The following GNG8 variants were observed in gnomAD, a reference collection of about 807,000 sequenced individuals.
GNG8 encodes guanine nucleotide-binding protein G(I)/G(S)/G(O) subunit gamma-8.
GNG8 carries 3 observed loss-of-function variants against 4.6 expected under a neutral mutation model. That is an observed-to-expected ratio of 0.65 (90% CI 0.29 to 1.67). GNG8 has a LOEUF of 1.67. GNG8 is among the 40% of genes most tolerant of loss of function. GNG8 has a pLI of 0.10. For synonymous variants in GNG8, 32 were observed against 40.5 expected (o/e 0.79, Z 0.80); for missense variants, 88 against 95.2 (o/e 0.92, Z 0.32).
chr19:46,634,565 A>C, intron 2 of GNG8, 34 bp downstream of exon 2: 1 of 1,579,630 alleles, frequency 6.3e-7, no homozygotes, highest in South Asian at 1.1e-5. Context: ...GCAGGCCCAG[A>C]ACCCCCGCCC....
chr19:46,634,546 G>A, intron 2 of GNG8, 53 bp downstream of exon 2: 3 of 1,498,348 alleles, frequency 2.0e-6, no homozygotes, highest in South Asian at 2.3e-5. Context: ...ACACAGCCCC[G>A]GACAGACCGC....
intron 1 of GNG8, among the ~76,000 whole-genome samples, chr19:46,635,399 G>GA: frequency 6.8e-6 from 1 of 147,704 alleles, no homozygotes; most frequent in Non-Finnish European, 1.5e-5. Context: ...GGGAGAGACT[G>GA]GGGGAGGAAT....
chr19:46,636,250 C>T (rs1381643345), upstream of GNG8, among the ~76,000 whole-genome samples: 3 of 146,608 alleles, frequency 2.0e-5, no homozygotes, highest in East Asian at 6.7e-4. Context: ...GCAGCCCCTA[C>T]GGACCCGCCT....
In GNG8 at chr19:46,634,626, C is replaced by T; in HGVS notation, c.57G>A (p.Lys19=). The T allele has an allele frequency of 6.2e-7, 1 of 1,613,102 alleles. No individual in the cohort carries two copies. Among genetic ancestry groups the T allele is most frequent in the Non-Finnish European group, 8.5e-7 (1 of 1,179,932 alleles). ...TCATGCGGTCGATGTTCACCTCCAG[C>T]TTCAGCTGTTCCACCGTCTTGCGGG... ...AEARKTVEQL[K]LEVNIDRMKV... Residue 19 remains lysine (K), a synonymous_variant, in exon 2 of 3, where the codon AAG becomes AAA. Coordinates refer to ENST00000693335, the MANE Select transcript of GNG8 (RefSeq NM_033258.2).
chr19:46,634,591 C>T lies in GNG8; in HGVS notation c.84+8G>A. ...ACCCCCGCCCTATTCCCCACCCCGA[C>T]CCAGCACCTTCATGCGGTCGATGTT... On this transcript the variant is annotated splice_region_variant and intron_variant, in intron 2 of 2. Coordinates refer to ENST00000693335, the MANE Select transcript of GNG8 (RefSeq NM_033258.2). 3.1e-6 allele frequency: 5 copies of T among 1,611,646 alleles called. No individual in the cohort carries two copies. The highest frequency in any genetic ancestry group is 4.2e-6 in the Non-Finnish European group (5 of 1,178,806).
At chr19:46,636,604 G>A (rs1465039310), upstream of GNG8, among the ~76,000 whole-genome samples, 11 of 151,956 alleles carry the variant, frequency 7.2e-5, no homozygotes, top group Non-Finnish European at 1.5e-4. Flanking sequence ...CCTGTCACAC[G>A]GTAGCACCAC....
At chr19:46,637,004 C>G (rs959558972), upstream of GNG8, 10 of 152,150 alleles carry the variant, frequency 6.6e-5, no homozygotes, top group Non-Finnish European at 1.2e-4. Context: ...GTTGGCCAGG[C>G]TGGTCTTGAA....
In GNG8 at chr19:46,634,126, C is replaced by T. The variant is rs569303369; in HGVS notation, c.163G>A (p.Ala55Thr). 16 of 1,613,778 alleles carry T rather than the reference C, an allele frequency of 9.9e-6. No homozygotes were observed. The highest frequency in any genetic ancestry group is 1.1e-5 in the Non-Finnish European group (13 of 1,179,960). The change falls in exon 3 of 3, where the codon GCC (alanine) becomes ACC (threonine). Residue 55 changes from alanine to threonine, a missense_variant. Transcript: ENST00000693335. ...KDDPLVTPVP[A>T]AENPFRDKRL... is the part of the protein sequence containing the mutation. ...TTGTCGCGGAAGGGGTTCTCCGCGG[C>T]GGGTACTGGCGTCACCAGCGGGTCA...
chr19:46,635,372 G>GCAC, intron 1 of GNG8, among the ~76,000 whole-genome samples: 1 of 149,530 alleles, frequency 6.7e-6, no homozygotes, highest in Non-Finnish European at 1.5e-5. Flanking sequence ...ATGAAGAGAC[G>GCAC]GGGAGGAATA....
intron 2 of GNG8, 85 bp from the exon 3 acceptor site, chr19:46,634,289 T>A: frequency 7.0e-7 from 1 of 1,436,270 alleles, no homozygotes; most frequent in Non-Finnish European, 9.3e-7. Context: ...CCCTGTCCCC[T>A]CCTCCCACCT....
upstream of GNG8, chr19:46,636,723 T>C (rs2052871574): frequency 6.6e-6 from 1 of 151,526 alleles, no homozygotes. Flanking sequence ...AGATAAATTA[T>C]CTCAGAGCAC....
At chr19:46,636,277 TC>T (rs1178539445), upstream of GNG8, among the ~76,000 whole-genome samples, 2 of 147,470 alleles carry the variant, frequency 1.4e-5, no homozygotes, top group African/African-American at 5.0e-5. Context: ...GGAGCCACCG[TC>T]CCCGCCGCCC....
chr19:46,637,310 C>T (rs2052875115), upstream of GNG8: 1 of 152,360 alleles, frequency 6.6e-6, no homozygotes, highest in African/African-American at 2.4e-5. Flanking sequence ...CACATTCCCT[C>T]CATACACAGT....
chr19:46,634,333 T>C, intron 2 of GNG8, 129 bp from the exon 3 acceptor site: 1 of 1,121,370 alleles, frequency 8.9e-7, no homozygotes. Flanking sequence ...CCCCTTGTCT[T>C]ACTCCGCCCC....
rs757680437 is a variant in GNG8, at chr19:46,634,721, G to C, written c.-39C>G. The C allele has an allele frequency of 1.3e-6, 2 of 1,531,182 alleles. No individual in the cohort carries two copies. Among genetic ancestry groups the C allele is most frequent in the East Asian group, 4.5e-5 (2 of 44,366 alleles). The allele number at this position is 1,531,182 out of a possible 1,614,324, so 94.8% of individuals were successfully genotyped here. On this transcript the variant is annotated 5_prime_UTR_variant, in exon 2 of 3. Transcript: ENST00000693335. Reference sequence around the variant, plus strand: ...AAGGGGTTAAAAGACGCGCGGGAGTGGGGGCTGTGGGGGTAGGTTAGGATA... The same window carrying C: ...AAGGGGTTAAAAGACGCGCGGGAGTCGGGGCTGTGGGGGTAGGTTAGGATA...
In GNG8 at chr19:46,633,994, C is replaced by T. The variant is rs367749740; in HGVS notation, c.*82G>A. On this transcript the variant is annotated 3_prime_UTR_variant, in exon 3 of 3. Transcript: ENST00000693335. ...CCAAGCTCTGTGCGTGCCTCAGTCT[C>T]CCTGAAAGCACAGGCACCACCACAG... 2 of 1,498,040 alleles carry T rather than the reference C, an allele frequency of 1.3e-6. No individual in the cohort carries two copies. Among genetic ancestry groups the T allele is most frequent in the Non-Finnish European group, 9.0e-7 (1 of 1,105,072 alleles). The allele number at this position is 1,498,040 out of a possible 1,614,324, so 92.8% of individuals were successfully genotyped here.
rs758550575 is a variant in GNG8 at position 46,634,730 on chromosome 19, G to A, written c.-43-5C>T. 6.6e-7 allele frequency: 1 copy of A among 1,512,302 alleles called. No individual in the cohort carries two copies. Among genetic ancestry groups the A allele is most frequent in the Middle Eastern group, 1.7e-4 (1 of 5,798 alleles). 93.7% of individuals were successfully genotyped at this position (1,512,302 alleles called of 1,614,324 possible). The stretch of plus-strand genomic sequence containing the variant: ...AAAGACGCGCGGGAGTGGGGGCTGT[G>A]GGGGTAGGTTAGGATACGTCTGGGT... On this transcript the variant is annotated splice_region_variant and splice_polypyrimidine_tract_variant and intron_variant, in intron 1 of 2. Coordinates refer to ENST00000693335, the MANE Select transcript of GNG8 (RefSeq NM_033258.2).
At chr19:46,634,246 C>G (rs565433853) in intron 2 of GNG8, 42 bp from the exon 3 acceptor site, 1 of 1,571,642 alleles carries the variant, frequency 6.4e-7, no homozygotes, top group Non-Finnish European at 8.6e-7. Context: ...CTGCCCGGCT[C>G]CTTGGAGCCG....
rs759099116 is a variant in GNG8, at chr19:46,634,705, A to G, written c.-23T>C. 85 of 1,608,118 alleles carry G rather than the reference A, an allele frequency of 5.3e-5. No individual in the cohort carries two copies. ...CATGGTTGCGGCGGGGAAGGGGTTA[A>G]AAGACGCGCGGGAGTGGGGGCTGTG... is the stretch of plus-strand genomic sequence containing the variant. On this transcript the variant is annotated 5_prime_UTR_variant, in exon 2 of 3. Transcript: ENST00000693335.
Sources: allele counts gnomAD v4.1 joint callset (sites outside exome capture counted in the v4.1 genomes callset), GRCh38; gene constraint gnomAD v4.1.1; transcripts MANE v1.5; gene names NCBI Gene and HGNC (gene_info 2026-07-23, HGNC 2026-07-21).